The following FERMT2 variants were observed in gnomAD, a reference collection of about 807,000 sequenced individuals.
The protein encoded by FERMT2 is fermitin family homolog 2.
FERMT2 carries 15 observed loss-of-function variants against 82.7 expected under a neutral mutation model. That is an observed-to-expected ratio of 0.18 (90% CI 0.12 to 0.28). The LOEUF (loss-of-function observed/expected upper bound fraction) is 0.28, where lower values mean the gene tolerates loss of function less well. FERMT2 is among the 10% of genes least tolerant of loss of function. The pLI, the probability that FERMT2 is intolerant of heterozygous loss-of-function variation, is 1.00. For synonymous variants in FERMT2, 274 were observed against 271.5 expected, an observed-to-expected ratio of 1.01 and a Z score of -0.09; for missense variants, 645 against 809.4, an observed-to-expected ratio of 0.80 and a Z score of 2.46.
intron 12 of FERMT2, chr14:52,861,307 G>C: frequency 2.4e-6 from 1 of 412,288 alleles, no homozygotes; most frequent in Non-Finnish European, 4.2e-6. Flanking sequence ...AAGAACCTAA[G>C]GGTAGAAATT....
In FERMT2 at chr14:52,918,985, T is replaced by G. The variant is rs1294424961; in HGVS notation, c.391+138A>C. ...ATTTATCTTAATATAAAAACTTTAA[T>G]GAAGTAGAAATTTCACACACATACA... On this transcript the variant is annotated intron_variant, in intron 3 of 14. Coordinates refer to ENST00000341590, the MANE Select transcript of FERMT2 (RefSeq NM_006832.3). 2.3e-5 allele frequency: 12 copies of G among 525,202 alleles called. No individual in the cohort carries two copies. The East Asian group carries it at 3.1e-4, about 14-fold the overall frequency. 32.5% of individuals were successfully genotyped at this position (525,202 alleles called of 1,614,324 possible). A position where few individuals can be genotyped will look rare whatever the true frequency, so the allele number is the denominator to read the frequency against.
rs561754041 is a variant in FERMT2 at position 52,903,396 on chromosome 14, G to A, written c.392-9969C>T. ...CTACAAAAAATTTAAAAATTAGGCA[G>A]GCATGGTGGTGCACACCTGTAGTCT... On this transcript the variant is annotated intron_variant, in intron 3 of 14. Transcript: ENST00000341590. 4.6e-5 allele frequency among the ~76,000 whole-genome samples: 7 copies of A among 152,016 alleles called. No homozygotes were observed. In the South Asian group the frequency reaches 1.5e-3, roughly 32 times the overall value.
intron 14 of FERMT2, 153 bp from the exon 15 acceptor site, chr14:52,858,703 T>G: frequency 1.6e-6 from 1 of 619,452 alleles, no homozygotes; most frequent in East Asian, 2.8e-5. Context: ...AATAATGCCT[T>G]TAAGTCCCAA....
rs1415256285 is a variant in FERMT2 at position 52,950,279 on chromosome 14, A to T, written c.157+133T>A. 25 of 860,036 alleles carry T rather than the reference A, an allele frequency of 2.9e-5. No individual in the cohort carries two copies. The East Asian group carries it at 6.2e-4, about 21-fold the overall frequency. 53.3% of individuals were successfully genotyped at this position (860,036 alleles called of 1,614,324 possible). Reference sequence around the variant, plus strand: ...GGTCTATCTGCTTAAATACTGAAAGATTTTACATCTCCAAAAAGCATTTGC... The same window carrying T: ...GGTCTATCTGCTTAAATACTGAAAGTTTTTACATCTCCAAAAAGCATTTGC... On this transcript the variant is annotated intron_variant, in intron 2 of 14. Transcript: ENST00000341590.
chr14:52,936,393 A>G (rs1889836943), intron 2 of FERMT2, among the ~76,000 whole-genome samples: 1 of 152,198 alleles, frequency 6.6e-6, no homozygotes, highest in Admixed American at 6.5e-5. Context: ...TTTATATGAA[A>G]CTGATGAATT....
intron 10 of FERMT2, among the ~76,000 whole-genome samples, chr14:52,865,946 G>C (rs1229148542): frequency 2.6e-5 from 4 of 152,180 alleles, no homozygotes. Flanking sequence ...TACTACATAT[G>C]AATTTCTTCT....
Position 52,881,594 on chromosome 14 carries a change from G to A in FERMT2, c.527-125C>T, listed in dbSNP as rs1886301215. 6.9e-6 allele frequency: 6 copies of A among 867,558 alleles called. 1 individual carries two copies. The highest frequency in any genetic ancestry group is 3.7e-5 in the South Asian group (2 of 53,638). The allele number at this position is 867,558 out of a possible 1,614,324, so 53.7% of individuals were successfully genotyped here. On this transcript the variant is annotated intron_variant, in intron 4 of 14. Transcript: ENST00000341590. ...AGTTTTATTCTGAAAGGAAAGCTTAGTATATTATTTTACCTGTTATGAAAA... is the reference window on the plus strand; with the variant it reads ...AGTTTTATTCTGAAAGGAAAGCTTAATATATTATTTTACCTGTTATGAAAA...
intron 3 of FERMT2, among the ~76,000 whole-genome samples, chr14:52,903,502 C>T (rs2139587064): frequency 6.6e-6 from 1 of 151,460 alleles, no homozygotes; most frequent in Admixed American, 6.6e-5. Flanking sequence ...TGTGTCACTG[C>T]AGTCCAGCCT....
intron 2 of FERMT2, among the ~76,000 whole-genome samples, chr14:52,924,110 C>T (rs1349409328): frequency 6.6e-6 from 1 of 152,140 alleles, no homozygotes; most frequent in Admixed American, 6.6e-5. Context: ...TGAACATGTA[C>T]TGTGTGCAAG....
intron 2 of FERMT2, among the ~76,000 whole-genome samples, chr14:52,945,393 G>T (rs144701179): frequency 6.6e-5 from 10 of 151,592 alleles, no homozygotes; most frequent in African/African-American, 2.4e-4. Context: ...GATTACAGGC[G>T]CCCGCTACCA....
At chr14:52,899,340 T>TG (rs1566738239) in intron 3 of FERMT2, among the ~76,000 whole-genome samples, 1 of 152,180 alleles carries the variant, frequency 6.6e-6, no homozygotes, top group African/African-American at 2.4e-5. Flanking sequence ...TGGAGTGCAG[T>TG]GCCACAATCT....
chr14:52,864,827 T>C lies in FERMT2; in HGVS notation c.1300A>G (p.Ile434Val). 1 of 1,610,928 alleles carries C rather than the reference T, an allele frequency of 6.2e-7. No individual in the cohort carries two copies. Among genetic ancestry groups the C allele is most frequent in the Non-Finnish European group, 8.5e-7 (1 of 1,177,336 alleles). Residue 434 changes from isoleucine (I) to valine (V), a missense_variant, in exon 11 of 15, where the codon ATT (isoleucine) becomes GTT (valine). Coordinates refer to ENST00000341590, the MANE Select transcript of FERMT2 (RefSeq NM_006832.3). ...RGCEVTPDVN[I>V]SGQKFNIKLL... ...TTAATGTTAAATTTTTGGCCTGAAA[T>C]GTTTACATCTGGGGTAACTTCACAT...
chr14:52,893,569 A>G (rs1036899473), intron 3 of FERMT2, 142 bp from the exon 4 acceptor site: 5 of 596,522 alleles, frequency 8.4e-6, no homozygotes, highest in Non-Finnish European at 1.4e-5. Flanking sequence ...CATGCAAAAC[A>G]CTGATTATGA....
In FERMT2 at chr14:52,864,456, A is replaced by T; in HGVS notation, c.1547T>A (p.Ile516Lys). The change falls in exon 12 of 15, where the codon ATA becomes AAA. Residue 516 changes from isoleucine (I) to lysine (K), a missense_variant. By Grantham distance (102) the Ile-to-Lys change is moderately radical. Coordinates refer to ENST00000341590, the MANE Select transcript of FERMT2 (RefSeq NM_006832.3). ...QLIPEQITTD[I>K]TPECLVSPRY... ...GGGAGACACCAAACATTCAGGAGTT[A>T]TATCAGTCGTGATCTGCTCTGGTAT... is the stretch of plus-strand genomic sequence containing the variant. 1 of 1,614,150 alleles carries T rather than the reference A, an allele frequency of 6.2e-7. No individual in the cohort carries two copies. The highest frequency in any genetic ancestry group is 1.3e-5 in the African/African-American group (1 of 75,062).
At chr14:52,942,390 C>G (rs1049254331) in intron 2 of FERMT2, among the ~76,000 whole-genome samples, 2 of 151,556 alleles carry the variant, frequency 1.3e-5, no homozygotes, top group Non-Finnish European at 1.5e-5. Context: ...GCAAGCTCCC[C>G]CTTCTGGGTT....
intron 3 of FERMT2, among the ~76,000 whole-genome samples, chr14:52,918,135 T>C (rs1250201481): frequency 6.6e-6 from 1 of 152,218 alleles, no homozygotes; most frequent in Non-Finnish European, 1.5e-5. Context: ...TTATACTTGA[T>C]CTTAGCCAAA....
chr14:52,926,837 A>G (rs1225534463), intron 2 of FERMT2, among the ~76,000 whole-genome samples: 13 of 152,134 alleles, frequency 8.5e-5, no homozygotes, highest in Admixed American at 8.5e-4. Context: ...TAAGACAAGA[A>G]CTACTTATAG....
chr14:52,925,996 C>G (rs1025698217), intron 2 of FERMT2, among the ~76,000 whole-genome samples: 5 of 152,104 alleles, frequency 3.3e-5, no homozygotes, highest in African/African-American at 1.2e-4. Flanking sequence ...TACAGCACAG[C>G]TTGTCTCTAA....
chr14:52,950,845 G>A (rs545763696), intron 1 of FERMT2, 76 bp downstream of exon 1: 30 of 294,444 alleles, frequency 1.0e-4, no homozygotes, highest in Middle Eastern at 1.9e-3. Context: ...CCGGCCCCGA[G>A]ACACAGCGCG....
Sources: allele counts gnomAD v4.1 joint callset (sites outside exome capture counted in the v4.1 genomes callset), GRCh38; gene constraint gnomAD v4.1.1; transcripts MANE v1.5; gene names NCBI Gene and HGNC (gene_info 2026-07-23, HGNC 2026-07-21).